The following ELFN1 variants were observed in gnomAD, a reference collection of about 807,000 sequenced individuals.
The protein encoded by ELFN1 is protein ELFN1.
Under a neutral mutation model 7.6 loss-of-function variants are expected in ELFN1, and 6 were observed. The observed-to-expected ratio is 0.79, with a 90% CI of 0.43 to 1.56. ELFN1 has a LOEUF of 1.56. Among genes scored for constraint, ELFN1 ranks in the 40% most tolerant of loss-of-function variants. The pLI is 0.01. For synonymous variants in ELFN1, 657 were observed against 588.1 expected (o/e 1.12, Z -1.70); for missense variants, 1,169 against 1,232.2 (o/e 0.95, Z 0.77).
At chr7:1,724,327 A>G (rs1383061405) in intron 3 of ELFN1, among the ~76,000 whole-genome samples, 1 of 152,106 alleles carries the variant, frequency 6.6e-6, no homozygotes, top group Non-Finnish European at 1.5e-5. Flanking sequence ...ACAGATCTCT[A>G]TTAAGTCAGC....
In ELFN1 at chr7:1,695,620, A is replaced by G. The variant is rs1779286240; in HGVS notation, c.-456+7470A>G. ...AAATTAGCCGGGCGTTGTGGTGGAC[A>G]CCTGTAATCCCAGTTACTTGGGAGG... is the stretch of plus-strand genomic sequence containing the variant. On this transcript the variant is annotated intron_variant, in intron 2 of 3. Coordinates refer to ENST00000424383, the MANE Select transcript of ELFN1 (RefSeq NM_001128636.4). This position sits in a 1 kb window ranked among gnomAD's most constrained non-coding sequence, Gnocchi z 5.1. 6.6e-6 allele frequency among the ~76,000 whole-genome samples: 1 copy of G among 151,928 alleles called. No homozygotes were observed. The highest frequency in any genetic ancestry group is 1.5e-5 in the Non-Finnish European group (1 of 67,966).
intron 3 of ELFN1, among the ~76,000 whole-genome samples, chr7:1,728,139 C>T (rs953041560): frequency 5.5e-5 from 8 of 146,332 alleles, no homozygotes; most frequent in Non-Finnish European, 1.0e-4. Context: ...CTCCAGGTTG[C>T]GAGGACAGGC....
In ELFN1 at chr7:1,740,174, C is replaced by T. The variant is rs1384564974; in HGVS notation, c.-293-4130C>T. On this transcript the variant is annotated intron_variant, in intron 3 of 3. Coordinates refer to ENST00000424383, the MANE Select transcript of ELFN1 (RefSeq NM_001128636.4). This position sits in a 1 kb window ranked among gnomAD's most constrained non-coding sequence, Gnocchi z 5.0. ...CAGAGGCGCCACGGCCTCTGTGTCTCCCTGAGGCAGGAGGCCAGGCCCTGG... is the reference window on the plus strand; with the variant it reads ...CAGAGGCGCCACGGCCTCTGTGTCTTCCTGAGGCAGGAGGCCAGGCCCTGG... Among the ~76,000 whole-genome samples, 1 of 152,148 alleles carries T rather than the reference C, an allele frequency of 6.6e-6. No individual in the cohort carries two copies.
intron 3 of ELFN1, among the ~76,000 whole-genome samples, chr7:1,726,325 A>G (rs938577715): frequency 1.3e-5 from 2 of 152,170 alleles, no homozygotes; most frequent in African/African-American, 2.4e-5. Context: ...TGCCTCTCCA[A>G]ACCCTGTCAG....
intron 2 of ELFN1, among the ~76,000 whole-genome samples, chr7:1,707,057 ACT>A (rs776400323): frequency 2.8e-4 from 42 of 152,088 alleles, no homozygotes; most frequent in Middle Eastern, 3.4e-3. Context: ...GTCTGTGTAC[ACT>A]CACAGTCTGC....
In ELFN1 at chr7:1,708,785, G is replaced by A. The variant is rs149261860; in HGVS notation, c.-455-306G>A. On this transcript the variant is annotated intron_variant, in intron 2 of 3. Transcript: ENST00000424383. ...GGCCACCGCCAAGTGACTAGAGCTG[G>A]AATTGGTTGCAGTGACCCCAGGTCT... Among the ~76,000 whole-genome samples, 334 of 152,266 alleles carry A rather than the reference G, an allele frequency of 2.2e-3. 1 individual carries two copies. Among genetic ancestry groups the A allele is most frequent in the Non-Finnish European group, 3.4e-3 (233 of 68,006 alleles).
chr7:1,747,788 C>T lies in ELFN1; in HGVS notation c.*705C>T, dbSNP rs1429811521. ...GAGGCACGTCCCCCAGCCCAGCCCCCATGTACACTGTAGTCGTTCTATTGT... is the reference window on the plus strand; with the variant it reads ...GAGGCACGTCCCCCAGCCCAGCCCCTATGTACACTGTAGTCGTTCTATTGT... On this transcript the variant is annotated 3_prime_UTR_variant, in exon 4 of 4. Transcript: ENST00000424383. 3 of 165,682 alleles carry T rather than the reference C, an allele frequency of 1.8e-5. No homozygotes were observed. The highest frequency in any genetic ancestry group is 4.4e-5 in the Non-Finnish European group (3 of 68,008). 10.3% of individuals were successfully genotyped at this position (165,682 alleles called of 1,614,324 possible).
chr7:1,700,852 C>T (rs763866768), intron 2 of ELFN1, among the ~76,000 whole-genome samples: 9 of 152,192 alleles, frequency 5.9e-5, no homozygotes, highest in Admixed American at 1.3e-4. Flanking sequence ...ATTTCGCTGG[C>T]GAGTAATACA....
At chr7:1,669,862 T>TG (rs1778727285), upstream of ELFN1, among the ~76,000 whole-genome samples, 1 of 124,284 alleles carries the variant, frequency 8.0e-6, no homozygotes, top group African/African-American at 3.3e-5. Context: ...TCGCCCCCAC[T>TG]CCCCCCACCC....
intron 2 of ELFN1, among the ~76,000 whole-genome samples, chr7:1,702,284 C>T (rs888536400): frequency 5.3e-5 from 8 of 152,038 alleles, no homozygotes; most frequent in Non-Finnish European, 8.8e-5. Context: ...AATTAGCCAG[C>T]GTGATGGCGG....
At position 1,745,676 on chromosome 7, in the gene ELFN1, C is replaced by G. The variant is rs1012248738; in HGVS notation, c.1080C>G (p.Thr360=). 2.6e-6 allele frequency: 4 copies of G among 1,551,342 alleles called. No homozygotes were observed. The highest frequency in any genetic ancestry group is 2.7e-5 in the African/African-American group (2 of 73,056). Residue 360 remains threonine (T), a synonymous_variant, in exon 4 of 4, where the codon ACC becomes ACG. Coordinates refer to ENST00000424383, the MANE Select transcript of ELFN1 (RefSeq NM_001128636.4). ...AGGCCTCCACCGTGTCCAGGCTGAC[C>G]AAGGCCCAGGAGGAGATCCGTCTGA... The part of the protein sequence containing the change: ...NSKASTVSRL[T]KAQEEIRLTN...
At chr7:1,738,178 G>A (rs532010326) in intron 3 of ELFN1, among the ~76,000 whole-genome samples, 20 of 152,340 alleles carry the variant, frequency 1.3e-4, no homozygotes, top group South Asian at 1.0e-3. Flanking sequence ...CACGGAGGGC[G>A]CGTGGTCCCA....
intron 2 of ELFN1, among the ~76,000 whole-genome samples, chr7:1,700,634 A>T (rs958989340): frequency 6.6e-6 from 1 of 152,106 alleles, no homozygotes; most frequent in African/African-American, 2.4e-5. Context: ...CCTGCTTCAC[A>T]CGTGTGGGAC....
chr7:1,687,684 C>T (rs1779084008), intron 1 of ELFN1, among the ~76,000 whole-genome samples: 1 of 152,148 alleles, frequency 6.6e-6, no homozygotes, highest in African/African-American at 2.4e-5. Context: ...GCCTACCTCA[C>T]ACCATAGATT....
At chr7:1,731,311 G>T (rs1374891649) in intron 3 of ELFN1, among the ~76,000 whole-genome samples, 1 of 152,216 alleles carries the variant, frequency 6.6e-6, no homozygotes, top group African/African-American at 2.4e-5. Context: ...AAGTTCATCT[G>T]AATGAATATT....
At chr7:1,743,226 C>T (rs2128604858) in intron 3 of ELFN1, among the ~76,000 whole-genome samples, 1 of 152,320 alleles carries the variant, frequency 6.6e-6, no homozygotes. Flanking sequence ...TGTCCAGGCT[C>T]AGCAGACACT....
rs1373567542 is a variant in ELFN1, at chr7:1,740,949, G to C, written c.-293-3355G>C. ...GTTCGAAACCAGCCTGACCAATATG[G>C]TGAAACCCTGTCTCTACTAAAAGTA... is the stretch of plus-strand genomic sequence containing the variant. On this transcript the variant is annotated intron_variant, in intron 3 of 3. Coordinates refer to ENST00000424383, the MANE Select transcript of ELFN1 (RefSeq NM_001128636.4). The surrounding 1 kb of genome is among the most constrained non-coding windows in gnomAD (Gnocchi z 5.0). Among the ~76,000 whole-genome samples, 2 of 152,102 alleles carry C rather than the reference G, an allele frequency of 1.3e-5. No individual in the cohort carries two copies. The highest frequency in any genetic ancestry group is 4.8e-5 in the African/African-American group (2 of 41,414).
At chr7:1,736,228 G>A (rs183074237) in intron 3 of ELFN1, among the ~76,000 whole-genome samples, 4 of 152,280 alleles carry the variant, frequency 2.6e-5, no homozygotes, top group African/African-American at 4.8e-5. Flanking sequence ...ACATTGGAAC[G>A]ATGAAAAGTT....
At position 1,744,793 on chromosome 7, in the gene ELFN1, G is replaced by A. The variant is rs1365448752; in HGVS notation, c.197G>A (p.Arg66Gln). Residue 66 changes from arginine to glutamine, a missense_variant, in exon 4 of 4, where the codon CGG becomes CAG. Around this residue, in one of 2 missense-constraint regions of ELFN1, gnomAD observed 255 missense variants for 359.6 expected, o/e 0.71. Transcript: ENST00000424383. Reference sequence around the variant, plus strand: ...ATCAACAGCACCATCGTGGACCTGCGGCTCAACGAGAACCGTATCCGCAGC... The same window carrying A: ...ATCAACAGCACCATCGTGGACCTGCAGCTCAACGAGAACCGTATCCGCAGC... ...QQINSTIVDL[R>Q]LNENRIRSVQ... The A allele has an allele frequency of 5.1e-6, 8 of 1,557,018 alleles. No homozygotes were observed. The highest frequency in any genetic ancestry group is 3.5e-6 in the Non-Finnish European group (4 of 1,149,818).
Sources: allele counts gnomAD v4.1 joint callset (sites outside exome capture counted in the v4.1 genomes callset), GRCh38; gene constraint gnomAD v4.1.1; regional missense constraint gnomAD v4.1.1; non-coding constraint Gnocchi (gnomAD v3.1); transcripts MANE v1.5; gene names NCBI Gene and HGNC (gene_info 2026-07-23, HGNC 2026-07-21).